AGBL4: variants seen among roughly 807,000 people sequenced by gnomAD.
AGBL4 encodes AGBL carboxypeptidase 4.
Under a neutral mutation model 66.4 loss-of-function variants are expected in AGBL4, and 58 were observed. That is an observed-to-expected ratio of 0.87 (90% confidence interval 0.71 to 1.09). The LOEUF (loss-of-function observed/expected upper bound fraction) is 1.09. AGBL4 is among the 50% of genes least tolerant of loss of function. AGBL4 has a pLI of 0.00. For missense variants in AGBL4, 579 were observed against 631.0 expected (o/e 0.92, Z 0.88); for synonymous variants, 234 against 222.9 (o/e 1.05, Z -0.44).
intron 1 of AGBL4, among the ~76,000 whole-genome samples, chr1:49,938,279 T>A (rs1343613102): frequency 6.6e-6 from 1 of 152,032 alleles, no homozygotes; most frequent in Non-Finnish European, 1.5e-5. Context: ...ACATACACCC[T>A]CCCAAGACTA....
intron 3 of AGBL4, among the ~76,000 whole-genome samples, chr1:49,648,225 C>A (rs1353835520): frequency 6.6e-6 from 1 of 151,704 alleles, no homozygotes; most frequent in Admixed American, 6.6e-5. Context: ...ATGAAGAATA[C>A]TTTTAATGGG....
intron 3 of AGBL4, among the ~76,000 whole-genome samples, chr1:49,675,520 G>C (rs1571307453): frequency 6.6e-6 from 1 of 150,900 alleles, no homozygotes; most frequent in East Asian, 2.0e-4. Flanking sequence ...ATACACTCAT[G>C]TAACAAATCT....
intron 3 of AGBL4, among the ~76,000 whole-genome samples, chr1:49,516,427 G>C (rs961658093): frequency 6.6e-6 from 1 of 152,050 alleles, no homozygotes; most frequent in Non-Finnish European, 1.5e-5. Flanking sequence ...GAGGTGTGCT[G>C]TCTCCCACAG....
intron 4 of AGBL4, among the ~76,000 whole-genome samples, chr1:49,130,321 G>C (rs933759941): frequency 1.3e-5 from 2 of 152,136 alleles, no homozygotes; most frequent in African/African-American, 4.8e-5. Flanking sequence ...AGTTTAATTA[G>C]ATCCCATTTG....
At chr1:48,760,892 C>T (rs908811151) in intron 6 of AGBL4, among the ~76,000 whole-genome samples, 28 of 152,202 alleles carry the variant, frequency 1.8e-4, no homozygotes, top group Admixed American at 1.3e-4. Flanking sequence ...TCATCTAACC[C>T]GAGGTCTCAC....
At chr1:49,664,658 T>C (rs1019590424) in intron 3 of AGBL4, among the ~76,000 whole-genome samples, 9 of 152,136 alleles carry the variant, frequency 5.9e-5, no homozygotes, top group Non-Finnish European at 1.0e-4. Flanking sequence ...AACACTTTTA[T>C]TCCAAATTTC....
At chr1:49,358,761 T>C (rs180691720) in intron 3 of AGBL4, among the ~76,000 whole-genome samples, 2 of 152,334 alleles carry the variant, frequency 1.3e-5, no homozygotes, top group East Asian at 1.9e-4. Flanking sequence ...AGGAAGCTTA[T>C]TGCATAAATT....
At chr1:49,671,647 AAAC>A (rs1345148460) in intron 3 of AGBL4, among the ~76,000 whole-genome samples, 3 of 152,200 alleles carry the variant, frequency 2.0e-5, no homozygotes, top group African/African-American at 7.2e-5. Context: ...AGAGAAAATA[AAAC>A]AACCCCATTA....
At chr1:49,185,570 TCAACACTTCAAAACAA>T (rs1647001391) in intron 4 of AGBL4, among the ~76,000 whole-genome samples, 1 of 152,176 alleles carries the variant, frequency 6.6e-6, no homozygotes, top group Non-Finnish European at 1.5e-5. Flanking sequence ...GTTATACCAA[TCAACACTTCAAAACAA>T]GAGAAACTTG....
intron 4 of AGBL4, among the ~76,000 whole-genome samples, chr1:49,218,185 C>A (rs1160153447): frequency 6.6e-6 from 1 of 151,922 alleles, no homozygotes; most frequent in Non-Finnish European, 1.5e-5. Flanking sequence ...AGAAACCCAC[C>A]CTGGTTTCTG....
chr1:49,062,689 T>C (rs1376879371), intron 4 of AGBL4, among the ~76,000 whole-genome samples: 1 of 152,172 alleles, frequency 6.6e-6, no homozygotes, highest in Non-Finnish European at 1.5e-5. Context: ...AATGACATCT[T>C]ATACACAAAG....
At chr1:49,937,921 T>C (rs2148283928) in intron 1 of AGBL4, among the ~76,000 whole-genome samples, 1 of 151,668 alleles carries the variant, frequency 6.6e-6, no homozygotes, top group Admixed American at 6.6e-5. Context: ...CACCCTAACA[T>C]CACAATTAAA....
At chr1:48,938,047 C>G (rs1411555011) in intron 5 of AGBL4, among the ~76,000 whole-genome samples, 2 of 152,166 alleles carry the variant, frequency 1.3e-5, no homozygotes, top group Admixed American at 1.3e-4. Context: ...ATATCTACAT[C>G]CTACAATTAC....
intron 3 of AGBL4, among the ~76,000 whole-genome samples, chr1:49,391,467 G>T (rs996729141): frequency 4.6e-5 from 7 of 151,986 alleles, no homozygotes; most frequent in Non-Finnish European, 5.9e-5. Context: ...TGGCAGTGTG[G>T]ATAGAAAGGA....
chr1:49,262,622 G>C (rs555963531), intron 3 of AGBL4, among the ~76,000 whole-genome samples: 2 of 142,308 alleles, frequency 1.4e-5, no homozygotes, highest in East Asian at 5.4e-4. Flanking sequence ...TCTCACACCA[G>C]TTAGAATGGC....
At chr1:48,775,425 A>G (rs1250301041) in intron 6 of AGBL4, among the ~76,000 whole-genome samples, 1 of 152,138 alleles carries the variant, frequency 6.6e-6, no homozygotes, top group Non-Finnish European at 1.5e-5. Context: ...GAGGAAGCAA[A>G]GGAACTTGAA....
chr1:48,793,826 C>G (rs72890021), intron 6 of AGBL4, among the ~76,000 whole-genome samples: 7 of 152,094 alleles, frequency 4.6e-5, no homozygotes, highest in African/African-American at 7.2e-5. Flanking sequence ...CTTTTCAAAG[C>G]GGGTATAAAG....
intron 11 of AGBL4, among the ~76,000 whole-genome samples, chr1:48,570,205 C>T (rs1281866512): frequency 6.6e-6 from 1 of 152,252 alleles, no homozygotes; most frequent in African/African-American, 2.4e-5. Context: ...GTAACTTTCC[C>T]TCAACAATCA....
chr1:49,758,511 C>T (rs902590656), intron 2 of AGBL4, among the ~76,000 whole-genome samples: 3 of 152,018 alleles, frequency 2.0e-5, no homozygotes, highest in African/African-American at 7.2e-5. Context: ...CATGGGAGGC[C>T]ACCTCTTGCA....
Sources: gnomAD v4.1 joint callset for allele counts (sites outside exome capture counted in the v4.1 genomes callset) on GRCh38, gnomAD v4.1.1 for gene constraint, MANE v1.5 for transcripts, NCBI Gene and HGNC (gene_info 2026-07-23, HGNC 2026-07-21) for gene names.